NTNG1: variants seen among roughly 807,000 people sequenced by gnomAD.
The protein encoded by NTNG1 is netrin G1, also known as netrin-G1.
In NTNG1, 16 loss-of-function variants were observed where a neutral mutation model predicts 54.0. The observed-to-expected ratio is 0.30, with a 90% CI of 0.20 to 0.45. NTNG1 has a LOEUF of 0.45. NTNG1 is among the 20% of genes least tolerant of loss of function. The pLI is 1.00. For synonymous variants in NTNG1, 255 were observed against 263.1 expected, an observed-to-expected ratio of 0.97 and a Z score of 0.30; for missense variants, 530 against 678.7, an observed-to-expected ratio of 0.78 and a Z score of 2.43.
At chr1:107,468,635 C>T (rs1195243901) in intron 7 of NTNG1, among the ~76,000 whole-genome samples, 3 of 152,294 alleles carry the variant, frequency 2.0e-5, no homozygotes, top group African/African-American at 4.8e-5. Context: ...AAGAACAGCT[C>T]CATGTGGATT....
At chr1:107,312,849 A>T (rs1419272370) in intron 2 of NTNG1, among the ~76,000 whole-genome samples, 1 of 152,132 alleles carries the variant, frequency 6.6e-6, no homozygotes, top group Non-Finnish European at 1.5e-5. Context: ...ATTTTTTCCA[A>T]ATCTCACATT....
chr1:107,283,779 A>G (rs964530822), intron 2 of NTNG1, among the ~76,000 whole-genome samples: 1 of 152,168 alleles, frequency 6.6e-6, no homozygotes, highest in African/African-American at 2.4e-5. Context: ...GGCATAACAG[A>G]TGGAGTTCAA....
chr1:107,174,814 G>A (rs923279367), intron 2 of NTNG1, among the ~76,000 whole-genome samples: 16 of 151,750 alleles, frequency 1.1e-4, no homozygotes, highest in African/African-American at 3.9e-4. Context: ...ATAAATTCAA[G>A]GGCAAGGATA....
At chr1:107,207,417 C>G (rs1659276127) in intron 2 of NTNG1, among the ~76,000 whole-genome samples, 1 of 152,212 alleles carries the variant, frequency 6.6e-6, no homozygotes, top group Non-Finnish European at 1.5e-5. Context: ...AGGAAAAATA[C>G]TGTAGCTGTG....
At chr1:107,191,928 T>C (rs1209528924) in intron 2 of NTNG1, among the ~76,000 whole-genome samples, 1 of 152,158 alleles carries the variant, frequency 6.6e-6, no homozygotes, top group Non-Finnish European at 1.5e-5. Context: ...TTTGGTTCCA[T>C]ATGAACTTTA....
chr1:107,212,329 CTG>C (rs557330050), intron 2 of NTNG1, among the ~76,000 whole-genome samples: 185 of 152,262 alleles, frequency 1.2e-3, no homozygotes, highest in African/African-American at 4.2e-3. Context: ...TTGCCAGAGA[CTG>C]TACCAGTACT....
In NTNG1 at chr1:107,451,303, T is replaced by C. The variant is rs374186283; in HGVS notation, c.1390+14504T>C. Among the ~76,000 whole-genome samples, 26 of 152,214 alleles carry C rather than the reference T, an allele frequency of 1.7e-4. No homozygotes were observed. The East Asian group carries it at 4.4e-3, about 26-fold the overall frequency. On this transcript the variant is annotated intron_variant, in intron 7 of 7. Transcript: ENST00000370068. ...CTGTAAAAAGATTTTTTAAAAATAG[T>C]ATGATTAACAATTTCACCACATGTC...
At chr1:107,374,247 T>C (rs1260862318) in intron 3 of NTNG1, among the ~76,000 whole-genome samples, 1 of 152,166 alleles carries the variant, frequency 6.6e-6, no homozygotes, top group East Asian at 1.9e-4. Flanking sequence ...ATTTTTATTC[T>C]TGAGGTTCAT....
At chr1:107,277,188 A>G (rs1664536930) in intron 2 of NTNG1, among the ~76,000 whole-genome samples, 1 of 152,228 alleles carries the variant, frequency 6.6e-6, no homozygotes, top group South Asian at 2.1e-4. Flanking sequence ...GGCTGCGTTA[A>G]TATCCTTGCT....
At chr1:107,317,836 G>A (rs185106001) in intron 2 of NTNG1, among the ~76,000 whole-genome samples, 1 of 152,266 alleles carries the variant, frequency 6.6e-6, no homozygotes, top group East Asian at 1.9e-4. Context: ...CTATGCCAGC[G>A]GGGAATCTCT....
In NTNG1 at chr1:107,407,716, A is replaced by C; in HGVS notation, c.1087+8A>C. ...GTATTTCCAGTATTGGTAGTAAGTA[A>C]AAACAAAAACAAAAAAAACACCAAA... On this transcript the variant is annotated splice_region_variant and intron_variant, in intron 5 of 7. Coordinates refer to ENST00000370068, the MANE Select transcript of NTNG1 (RefSeq NM_001113226.3). 2 of 1,606,362 alleles carry C rather than the reference A, an allele frequency of 1.2e-6. No homozygotes were observed. The highest frequency in any genetic ancestry group is 4.5e-5 in the East Asian group (2 of 44,730).
chr1:107,312,798 AGAT>A (rs1667093318), intron 2 of NTNG1, among the ~76,000 whole-genome samples: 1 of 152,182 alleles, frequency 6.6e-6, no homozygotes, highest in African/African-American at 2.4e-5. Context: ...CTTGGTAGAA[AGAT>A]GATAACAAAT....
chr1:107,207,775 C>G (rs997074473), intron 2 of NTNG1, among the ~76,000 whole-genome samples: 2 of 152,190 alleles, frequency 1.3e-5, no homozygotes, highest in African/African-American at 4.8e-5. Context: ...TTTCGTAGCT[C>G]ATGTTTCATG....
chr1:107,156,901 A>G (rs1236866261), intron 2 of NTNG1, among the ~76,000 whole-genome samples: 1 of 152,220 alleles, frequency 6.6e-6, no homozygotes, highest in African/African-American at 2.4e-5. Context: ...TCTCTTTGGA[A>G]GCAATAAGCT....
chr1:107,457,257 T>C (rs1177852317), intron 7 of NTNG1, among the ~76,000 whole-genome samples: 1 of 152,202 alleles, frequency 6.6e-6, no homozygotes, highest in East Asian at 1.9e-4. Flanking sequence ...TCAGCTTATT[T>C]TGTAGTATGA....
At chr1:107,370,040 C>T (rs538244897) in intron 3 of NTNG1, among the ~76,000 whole-genome samples, 2 of 151,980 alleles carry the variant, frequency 1.3e-5, no homozygotes, top group Admixed American at 6.5e-5. Context: ...TGTATATATG[C>T]GTGGCCTATT....
intron 3 of NTNG1, among the ~76,000 whole-genome samples, chr1:107,347,160 G>A (rs982873360): frequency 6.6e-6 from 1 of 152,060 alleles, no homozygotes; most frequent in Admixed American, 6.6e-5. Context: ...TACCATCTCT[G>A]TAACTTGGGT....
At chr1:107,449,080 G>T (rs928313250) in intron 7 of NTNG1, among the ~76,000 whole-genome samples, 3 of 151,956 alleles carry the variant, frequency 2.0e-5, no homozygotes, top group Admixed American at 2.0e-4. Flanking sequence ...TCAGTTAATT[G>T]TTATGAATTA....
chr1:107,478,482 A>G (rs539004538), intron 7 of NTNG1, among the ~76,000 whole-genome samples: 1 of 152,346 alleles, frequency 6.6e-6, no homozygotes, highest in Non-Finnish European at 1.5e-5. Flanking sequence ...TCTTGAAAAA[A>G]GAAACCTCTG....
Sources: gnomAD v4.1 joint callset for allele counts (sites outside exome capture counted in the v4.1 genomes callset) on GRCh38, gnomAD v4.1.1 for gene constraint, MANE v1.5 for transcripts, NCBI Gene and HGNC (gene_info 2026-07-23, HGNC 2026-07-21) for gene names.